The following SPARC variants were observed in gnomAD, a reference collection of about 807,000 sequenced individuals.
The protein encoded by SPARC is basement-membrane protein 40.
Under a neutral mutation model 37.7 loss-of-function variants are expected in SPARC, and 23 were observed. The observed-to-expected ratio is 0.61, with a 90% CI of 0.44 to 0.87. SPARC has a LOEUF of 0.87. Ranked by LOEUF, SPARC falls within the 40% of genes least tolerant of loss-of-function variation. The probability of loss-of-function intolerance (pLI) is 0.00; values close to 1 mark genes in which losing one functional copy is unlikely to be tolerated. For synonymous variants in SPARC, 155 were observed against 150.8 expected, an observed-to-expected ratio of 1.03 and a Z score of -0.20; for missense variants, 312 against 389.0, an observed-to-expected ratio of 0.80 and a Z score of 1.66.
At position 151,661,995 on chromosome 5, in the gene SPARC, T is replaced by C. The variant is rs1760516408; in HGVS notation, c.*1576A>G. On this transcript the variant is annotated 3_prime_UTR_variant, in exon 10 of 10. Coordinates refer to ENST00000231061, the MANE Select transcript of SPARC (RefSeq NM_003118.4). ...ATTTATATTTGATTGTGTCATTATCTAATGTATTCCTCCTGGACTCTAAGC... is the reference window on the plus strand; with the variant it reads ...ATTTATATTTGATTGTGTCATTATCCAATGTATTCCTCCTGGACTCTAAGC... 6.6e-6 allele frequency: 1 copy of C among 152,274 alleles called. No individual in the cohort carries two copies. The highest frequency in any genetic ancestry group is 1.5e-5 in the Non-Finnish European group (1 of 68,042). The allele number at this position is 152,274 out of a possible 1,614,324, so 9.4% of individuals were successfully genotyped here.
At chr5:151,683,447 G>C (rs1761047293) in intron 1 of SPARC, among the ~76,000 whole-genome samples, 1 of 152,224 alleles carries the variant, frequency 6.6e-6, no homozygotes, top group Non-Finnish European at 1.5e-5. Context: ...CCAAACACGT[G>C]GAAGTTTGGC....
At chr5:151,683,706 C>T (rs774743128) in intron 1 of SPARC, among the ~76,000 whole-genome samples, 1 of 152,190 alleles carries the variant, frequency 6.6e-6, no homozygotes, top group Non-Finnish European at 1.5e-5. Context: ...TACAGCCTGA[C>T]TTAGCATCTG....
intron 8 of SPARC, among the ~76,000 whole-genome samples, chr5:151,665,330 C>A (rs555637351): frequency 6.6e-6 from 1 of 152,156 alleles, no homozygotes; most frequent in Non-Finnish European, 1.5e-5. Context: ...CCCCTCCCTG[C>A]CATAATGAGT....
intron 7 of SPARC, among the ~76,000 whole-genome samples, chr5:151,667,086 T>C (rs1760639631): frequency 6.6e-6 from 1 of 152,230 alleles, no homozygotes; most frequent in African/African-American, 2.4e-5. Context: ...TGGGCCTTGC[T>C]TTCTAGAGAC....
chr5:151,674,585 A>G, intron 3 of SPARC, 27 bp downstream of exon 3: 1 of 1,611,060 alleles, frequency 6.2e-7, no homozygotes, highest in African/African-American at 1.3e-5. Context: ...GAGAGGGGCT[A>G]AGGGGCTGCG....
chr5:151,669,896 A>C, intron 5 of SPARC, 112 bp from the exon 6 acceptor site: 10 of 1,446,494 alleles, frequency 6.9e-6, no homozygotes, highest in Non-Finnish European at 8.6e-6. Context: ...AAGGAATGTC[A>C]TTAGCCTGAG....
intron 1 of SPARC, among the ~76,000 whole-genome samples, chr5:151,681,618 G>A (rs1201221275): frequency 2.0e-5 from 3 of 152,212 alleles, no homozygotes; most frequent in Admixed American, 6.5e-5. Context: ...CAGGCTGGGC[G>A]CAATGGCTCA....
chr5:151,678,655 C>T (rs4958485), intron 1 of SPARC, among the ~76,000 whole-genome samples: 5,245 of 152,194 alleles, frequency 0.034, 451 homozygotes, highest in East Asian at 0.31. Flanking sequence ...AATAGGCAAG[C>T]GTTCTCACTC....
chr5:151,675,206 G>A (rs1760829745), intron 2 of SPARC, among the ~76,000 whole-genome samples: 1 of 152,188 alleles, frequency 6.6e-6, no homozygotes, highest in Non-Finnish European at 1.5e-5. Flanking sequence ...TGCCAACTTT[G>A]AGAAACTTTT....
At chr5:151,669,547 G>T in intron 6 of SPARC, 117 bp downstream of exon 6, 2 of 1,242,050 alleles carry the variant, frequency 1.6e-6, no homozygotes, top group Non-Finnish European at 2.2e-6. Context: ...CCGAGACTCA[G>T]AAAGGGAGAG....
chr5:151,677,611 A>G (rs1760888784), intron 1 of SPARC, among the ~76,000 whole-genome samples: 1 of 152,158 alleles, frequency 6.6e-6, no homozygotes, highest in Admixed American at 6.5e-5. Flanking sequence ...AGACTAGGTG[A>G]ACTTTGAAGT....
chr5:151,673,966 CTGTGTGTGTGTGTGTG>C lies in SPARC; in HGVS notation c.120+630_120+645del, dbSNP rs3138755. Among the ~76,000 whole-genome samples the C allele has an allele frequency of 1.4e-4, 20 of 141,860 alleles. No homozygotes were observed. The South Asian group carries it at 3.6e-3, about 25-fold the overall frequency. The allele number at this position is 141,860 out of a possible 152,430, so 93.1% of individuals were successfully genotyped here. A position where few individuals can be genotyped will look rare whatever the true frequency, so the allele number is the denominator to read the frequency against. On this transcript the variant is annotated intron_variant, in intron 3 of 9. Coordinates refer to ENST00000231061, the MANE Select transcript of SPARC (RefSeq NM_003118.4). ...CACACCCAAGCATCTCCCCTTTCCTCTGTGTGTGTGTGTGTGTGTGTGTGTGTGTGTGTGTGTGTGT... is the reference window on the plus strand; with the variant it reads ...CACACCCAAGCATCTCCCCTTTCCTCTGTGTGTGTGTGTGTGTGTGTGTGT...
In SPARC at chr5:151,671,623, C is replaced by G. The variant is rs142207246; in HGVS notation, c.280G>C (p.Val94Leu). Residue 94 changes from valine (V) to leucine (L), a missense_variant, in exon 5 of 10, where the codon GTG becomes CTG. Physicochemically the swap from Val to Leu is conservative, Grantham distance 32. Coordinates refer to ENST00000231061, the MANE Select transcript of SPARC (RefSeq NM_003118.4). ...ELDENNTPMC[V>L]CQDPTSCPAP... ...GGGCAGCTGGTGGGGTCCTGGCACA[C>G]GCACATGGGGGTGTTGTTCTCATCC... 1 of 1,605,144 alleles carries G rather than the reference C, an allele frequency of 6.2e-7. No homozygotes were observed. The highest frequency in any genetic ancestry group is 1.1e-5 in the South Asian group (1 of 89,682).
At position 151,664,240 on chromosome 5, in the gene SPARC, A is replaced by G. The variant is rs1760578088; in HGVS notation, c.735-5T>C. On this transcript the variant is annotated splice_polypyrimidine_tract_variant and splice_region_variant and intron_variant, in intron 8 of 9. Transcript: ENST00000231061. ...AGCTCGGTGTGGGAGAGGTACCTGC[A>G]GGGAAGGAGGCAGGGGAGGGCCTGA... 6.2e-7 allele frequency: 1 copy of G among 1,613,108 alleles called. No homozygotes were observed. Among genetic ancestry groups the G allele is most frequent in the Non-Finnish European group, 8.5e-7 (1 of 1,179,716 alleles).
At position 151,661,734 on chromosome 5, in the gene SPARC, T is replaced by C. The variant is rs1457367162; in HGVS notation, c.*1837A>G. 3 of 152,244 alleles carry C rather than the reference T, an allele frequency of 2.0e-5. No individual in the cohort carries two copies. The highest frequency in any genetic ancestry group is 1.3e-4 in the Admixed American group (2 of 15,290). The allele number at this position is 152,244 out of a possible 1,614,324, so 9.4% of individuals were successfully genotyped here. On this transcript the variant is annotated 3_prime_UTR_variant, in exon 10 of 10. Transcript: ENST00000231061. Reference sequence around the variant, plus strand: ...TGATGAAAAGATTCTACTTCTGACCTATTCAATAGGGTAACCACTAATCAT... The same window carrying C: ...TGATGAAAAGATTCTACTTCTGACCCATTCAATAGGGTAACCACTAATCAT...
chr5:151,676,127 C>A lies in SPARC; in HGVS notation c.57+5G>T. The A allele has an allele frequency of 1.9e-6, 3 of 1,609,974 alleles. No homozygotes were observed. The highest frequency in any genetic ancestry group is 2.5e-6 in the Non-Finnish European group (3 of 1,178,252). ...AACAAGAAGACATGATATTTAGGTA[C>A]TTACAGGGGCTGCCAAGGCCCTCCC... On this transcript the variant is annotated splice_donor_5th_base_variant and intron_variant, in intron 2 of 9. Transcript: ENST00000231061.
intron 1 of SPARC, among the ~76,000 whole-genome samples, chr5:151,685,498 CCATT>C (rs1362565494): frequency 3.3e-5 from 5 of 150,668 alleles, no homozygotes; most frequent in Non-Finnish European, 4.4e-5. Flanking sequence ...GGCTTGAGGC[CCATT>C]CAAAGACCAC....
At chr5:151,664,975 G>A (rs1305433015) in intron 8 of SPARC, among the ~76,000 whole-genome samples, 1 of 152,092 alleles carries the variant, frequency 6.6e-6, no homozygotes, top group Non-Finnish European at 1.5e-5. Flanking sequence ...GATCCACAAA[G>A]GATCTCCAGG....
intron 2 of SPARC, among the ~76,000 whole-genome samples, chr5:151,675,220 T>C (rs1281561295): frequency 6.6e-6 from 1 of 152,174 alleles, no homozygotes; most frequent in African/African-American, 2.4e-5. Flanking sequence ...AACTTTTGCC[T>C]CCATCTACCA....
Sources: allele counts gnomAD v4.1 joint callset (sites outside exome capture counted in the v4.1 genomes callset), GRCh38; gene constraint gnomAD v4.1.1; transcripts MANE v1.5; gene names NCBI Gene and HGNC (gene_info 2026-07-23, HGNC 2026-07-21).